Variants in GNA14 observed in about 807,000 individuals in gnomAD.
GNA14 encodes guanine nucleotide-binding protein subunit alpha-14.
Under a neutral mutation model 42.0 loss-of-function variants are expected in GNA14, and 50 were observed. The ratio of observed to expected loss-of-function variants is 1.19; its 90% CI spans 0.95 to 1.51. The LOEUF is 1.51. Ranked by LOEUF, GNA14 falls within the 40% of genes most tolerant of loss-of-function variation. GNA14 has a pLI of 0.00. For synonymous variants in GNA14, 173 were observed against 163.1 expected, an observed-to-expected ratio of 1.06 and a Z score of -0.46; for missense variants, 473 against 446.2, an observed-to-expected ratio of 1.06 and a Z score of -0.54.
At position 77,502,439 on chromosome 9, in the gene GNA14, G is replaced by A. The variant is rs1340446060; in HGVS notation, c.309+26630C>T. 3.3e-5 allele frequency among the ~76,000 whole-genome samples: 5 copies of A among 152,276 alleles called. No homozygotes were observed. The South Asian group carries it at 6.2e-4, about 19-fold the overall frequency. ...CTCTGGCAGGGGAAGTCGGGGAGGG[G>A]AGCCACCTTGCTATACTACAGGGGC... On this transcript the variant is annotated intron_variant, in intron 2 of 6. Transcript: ENST00000341700.
At position 77,424,065 on chromosome 9, in the gene GNA14, T is replaced by TA; in HGVS notation, c.981dup (p.Thr328TyrfsTer70). ...ACAAAGCGAATATTGTCTGTATCTG[T>TA]AGCACATGTGAAGTGAGAGTAGATG... On this transcript the variant is annotated frameshift_variant, in exon 7 of 7. Transcript: ENST00000341700. LOFTEE classifies it high-confidence loss of function. The TA allele has an allele frequency of 6.2e-7, 1 of 1,612,586 alleles. No individual in the cohort carries two copies. Among genetic ancestry groups the TA allele is most frequent in the East Asian group, 2.2e-5 (1 of 44,850 alleles).
intron 1 of GNA14, among the ~76,000 whole-genome samples, chr9:77,624,295 A>G (rs774796765): frequency 1.3e-5 from 2 of 152,192 alleles, no homozygotes; most frequent in African/African-American, 4.8e-5. Context: ...TAAAACTCCC[A>G]TCTCCCTGGG....
At chr9:77,428,779 G>T in intron 5 of GNA14, 128 bp downstream of exon 5, 1 of 918,122 alleles carries the variant, frequency 1.1e-6, no homozygotes, top group Non-Finnish European at 1.7e-6. Context: ...TGGTCCACAG[G>T]TCACACTTTG....
At chr9:77,568,536 A>T (rs1370122240) in intron 1 of GNA14, among the ~76,000 whole-genome samples, 2 of 152,284 alleles carry the variant, frequency 1.3e-5, no homozygotes, top group East Asian at 3.9e-4. Flanking sequence ...GTTAACTATT[A>T]AAAAAGTTAC....
chr9:77,475,147 C>T lies in GNA14; in HGVS notation c.310-40625G>A, dbSNP rs74401866. Among the ~76,000 whole-genome samples, 1,284 of 151,978 alleles carry T rather than the reference C, an allele frequency of 8.4e-3. 6 individuals are homozygous for T. The highest frequency in any genetic ancestry group is 0.01 in the Non-Finnish European group (699 of 68,000). On this transcript the variant is annotated intron_variant, in intron 2 of 6. Transcript: ENST00000341700. ...AGAGACAACTCATCTATATTGCTTC[C>T]GTCACTCAGTGATGGAAATTCACAT...
chr9:77,519,303 C>T (rs1001444644), intron 2 of GNA14, among the ~76,000 whole-genome samples: 6 of 151,870 alleles, frequency 4.0e-5, no homozygotes, highest in South Asian at 2.1e-4. Context: ...CCCAGCTATT[C>T]GGGAGGCTGA....
At chr9:77,643,393 C>T (rs946991399) in intron 1 of GNA14, among the ~76,000 whole-genome samples, 14 of 152,108 alleles carry the variant, frequency 9.2e-5, no homozygotes, top group African/African-American at 3.1e-4. Context: ...GCATGTGCCA[C>T]CACACCCGGC....
At chr9:77,474,954 T>A (rs754072817) in intron 2 of GNA14, among the ~76,000 whole-genome samples, 1 of 151,952 alleles carries the variant, frequency 6.6e-6, no homozygotes, top group Non-Finnish European at 1.5e-5. Flanking sequence ...GTCAAATTCA[T>A]AGAGACATAA....
chr9:77,477,084 C>T (rs148947598), intron 2 of GNA14, among the ~76,000 whole-genome samples: 15 of 152,276 alleles, frequency 9.9e-5, no homozygotes, highest in African/African-American at 3.1e-4. Flanking sequence ...GGGCCAGGCA[C>T]GGTAGCTCTC....
chr9:77,605,202 C>T (rs1823628737), intron 1 of GNA14, among the ~76,000 whole-genome samples: 1 of 152,236 alleles, frequency 6.6e-6, no homozygotes, highest in African/African-American at 2.4e-5. Context: ...ATTGTCCACA[C>T]ATTTGTCAAA....
intron 5 of GNA14, among the ~76,000 whole-genome samples, chr9:77,427,343 T>TC (rs1835469882): frequency 6.7e-6 from 1 of 149,052 alleles, no homozygotes; most frequent in South Asian, 2.1e-4. Flanking sequence ...AAAAAAAATC[T>TC]CCAACTGAGA....
At chr9:77,454,447 T>G (rs1256419074) in intron 2 of GNA14, among the ~76,000 whole-genome samples, 1 of 152,202 alleles carries the variant, frequency 6.6e-6, no homozygotes, top group African/African-American at 2.4e-5. Flanking sequence ...CCTGCTCTCC[T>G]GTGGCTAAGT....
intron 1 of GNA14, among the ~76,000 whole-genome samples, chr9:77,581,635 A>G (rs1823225302): frequency 6.6e-6 from 1 of 152,178 alleles, no homozygotes; most frequent in African/African-American, 2.4e-5. Context: ...TGGTAAAATT[A>G]CCCCAATCGG....
intron 1 of GNA14, among the ~76,000 whole-genome samples, chr9:77,628,680 G>GGTTTTC (rs1824049715): frequency 6.6e-6 from 1 of 152,166 alleles, no homozygotes; most frequent in Non-Finnish European, 1.5e-5. Context: ...AAACTGGCTA[G>GGTTTTC]CCATATGCAG....
At chr9:77,464,349 ATATGTGTGTGTGTGTGTGTGTGTGTGTG>A (rs1836177799) in intron 2 of GNA14, among the ~76,000 whole-genome samples, 1 of 101,956 alleles carries the variant, frequency 9.8e-6, no homozygotes, top group African/African-American at 4.4e-5. Context: ...GTGTGTGTGT[ATATGTGTGTGTGTGTGTGTGTGTGTGTG>A]TGTGTGTGTG....
intron 1 of GNA14, among the ~76,000 whole-genome samples, chr9:77,607,604 C>T (rs1359716187): frequency 1.3e-5 from 2 of 152,206 alleles, no homozygotes. Context: ...TTGCAAACTT[C>T]TTTAAGTGCT....
At chr9:77,588,580 CA>C (rs200159508) in intron 1 of GNA14, among the ~76,000 whole-genome samples, 2,827 of 152,216 alleles carry the variant, frequency 0.019, 36 homozygotes, top group Non-Finnish European at 0.031. Flanking sequence ...AGCCTTTAAT[CA>C]GAGGATATAG....
At chr9:77,431,547 A>G (rs1835555283) in intron 3 of GNA14, 98 bp from the exon 4 acceptor site, 4 of 1,021,718 alleles carry the variant, frequency 3.9e-6, no homozygotes. Flanking sequence ...AGTGAGCCCC[A>G]CACAGACACA....
chr9:77,437,279 T>G (rs1357595058), intron 2 of GNA14, among the ~76,000 whole-genome samples: 5 of 152,218 alleles, frequency 3.3e-5, no homozygotes, highest in Non-Finnish European at 5.9e-5. Context: ...GTGCAGTGGC[T>G]CACGCCTGTA....
Sources: gnomAD v4.1 joint callset for allele counts (sites outside exome capture counted in the v4.1 genomes callset) on GRCh38, gnomAD v4.1.1 for gene constraint, MANE v1.5 for transcripts, NCBI Gene and HGNC (gene_info 2026-07-23, HGNC 2026-07-21) for gene names.